PHEX: variants seen among roughly 807,000 people sequenced by gnomAD.
PHEX encodes phosphate-regulating neutral endopeptidase PHEX.
A neutral mutation model predicts 68.0 loss-of-function variants in PHEX; 16 were observed. The ratio of observed to expected loss-of-function variants is 0.24; its 90% confidence interval spans 0.16 to 0.36. The LOEUF is 0.36. Among genes scored for constraint, PHEX ranks in the 10% least tolerant of loss-of-function variants. The pLI, the probability that PHEX is intolerant of heterozygous loss-of-function variation, is 1.00. For missense variants in PHEX, 480 were observed against 575.5 expected (o/e 0.83, Z 1.70); for synonymous variants, 208 against 205.1 (o/e 1.01, Z -0.12).
rs371760826 is a variant in PHEX, at chrX:22,201,304, G to A, written c.1645+10802G>A. 8.1e-5 allele frequency among the ~76,000 whole-genome samples: 9 copies of A among 111,216 alleles called. No homozygotes were observed. In the East Asian group the frequency reaches 2.3e-3, roughly 28 times the overall value. ...CGATTCCCCTGCCTCAGCCTCCTGA[G>A]CAGCTGGGACTACAGGCGCTCACCA... On this transcript the variant is annotated intron_variant, in intron 15 of 21. Transcript: ENST00000379374.
At chrX:22,075,076 C>CAAAA (rs34459808) in intron 3 of PHEX, among the ~76,000 whole-genome samples, 5 of 89,643 alleles carry the variant, frequency 5.6e-5, no homozygotes, top group African/African-American at 1.6e-4. Context: ...TACTCTGTTT[C>CAAAA]AAAAAAAAAA....
At chrX:22,140,309 C>T (rs1250847196) in intron 12 of PHEX, among the ~76,000 whole-genome samples, 1 of 110,791 alleles carries the variant, frequency 9.0e-6, no homozygotes, top group South Asian at 3.9e-4. Context: ...TCTACTGTTG[C>T]TGTCTCTGCT....
At chrX:22,041,889 C>T (rs773570713) in intron 2 of PHEX, among the ~76,000 whole-genome samples, 2 of 111,559 alleles carry the variant, frequency 1.8e-5, no homozygotes, top group African/African-American at 3.3e-5. Flanking sequence ...TTGCCTTCTG[C>T]CAGCTAGTGT....
At chrX:22,224,663 C>CACTT (rs754104746) in intron 18 of PHEX, among the ~76,000 whole-genome samples, 3 of 111,068 alleles carry the variant, frequency 2.7e-5, no homozygotes, top group Non-Finnish European at 5.7e-5. Flanking sequence ...TGGTAATTAG[C>CACTT]ACTTACTTAC....
chrX:22,145,762 C>G (rs1307367694), intron 12 of PHEX, among the ~76,000 whole-genome samples: 1 of 111,813 alleles, frequency 8.9e-6, no homozygotes, highest in Non-Finnish European at 1.9e-5. Flanking sequence ...CAAATTCTAT[C>G]ATTCTTTTTG....
intron 16 of PHEX, among the ~76,000 whole-genome samples, chrX:22,215,797 G>GTGTT (rs1935068171): frequency 9.0e-6 from 1 of 110,978 alleles, no homozygotes; most frequent in African/African-American, 3.3e-5. Context: ...AAACTCCCCG[G>GTGTT]TGTTTTGGGA....
chrX:22,083,278 T>C (rs1929476394), intron 5 of PHEX, among the ~76,000 whole-genome samples: 1 of 112,255 alleles, frequency 8.9e-6, no homozygotes, highest in Non-Finnish European at 1.9e-5. Context: ...GGCCCTGTAC[T>C]ATATTTTGAA....
chrX:22,153,224 A>G (rs193034241), intron 12 of PHEX, among the ~76,000 whole-genome samples: 4 of 111,749 alleles, frequency 3.6e-5, no homozygotes, highest in Non-Finnish European at 5.6e-5. Flanking sequence ...CCTGGGCTCA[A>G]GCCCCCACCT....
chrX:22,146,647 T>C (rs1307705726), intron 12 of PHEX, among the ~76,000 whole-genome samples: 2 of 109,670 alleles, frequency 1.8e-5, no homozygotes, highest in Non-Finnish European at 3.8e-5. Flanking sequence ...CGAAATCCCA[T>C]CTCTACTAAA....
intron 15 of PHEX, among the ~76,000 whole-genome samples, chrX:22,208,824 CA>C (rs1476375231): frequency 8.9e-6 from 1 of 112,185 alleles, no homozygotes; most frequent in Non-Finnish European, 1.9e-5. Flanking sequence ...TGTTCTTAAA[CA>C]CCACTGTGCT....
chrX:22,201,462 G>T, intron 15 of PHEX, among the ~76,000 whole-genome samples: 1 of 109,200 alleles, frequency 9.2e-6, no homozygotes. Context: ...TGCGATTACA[G>T]GTGTGAGCCA....
At chrX:22,219,156 A>G (rs1935188093) in intron 17 of PHEX, 53 bp downstream of exon 17, 2 of 763,637 alleles carry the variant, frequency 2.6e-6, no homozygotes, top group Admixed American at 4.4e-5. Flanking sequence ...TGTTGACTAT[A>G]TGGATGTTAA....
At chrX:22,235,236 TGCATTGATTTG>T (rs1182178044) in intron 20 of PHEX, among the ~76,000 whole-genome samples, 6 of 112,199 alleles carry the variant, frequency 5.3e-5, no homozygotes, top group South Asian at 3.7e-4. Flanking sequence ...ACTTACTTTC[TGCATTGATTTG>T]GCATTGATTT....
At chrX:22,218,154 T>C (rs1386196028) in intron 16 of PHEX, among the ~76,000 whole-genome samples, 1 of 110,869 alleles carries the variant, frequency 9.0e-6, no homozygotes, top group Non-Finnish European at 1.9e-5. Context: ...TTCTCGCTTC[T>C]TCATTTGGCC....
At chrX:22,127,863 G>A (rs1931803692) in intron 11 of PHEX, among the ~76,000 whole-genome samples, 1 of 110,756 alleles carries the variant, frequency 9.0e-6, no homozygotes, top group Non-Finnish European at 1.9e-5. Context: ...AGTTACCGAA[G>A]TGTGGATTCA....
chrX:22,055,548 C>G (rs1928060655), intron 3 of PHEX, among the ~76,000 whole-genome samples: 1 of 107,357 alleles, frequency 9.3e-6, no homozygotes, highest in Admixed American at 1.0e-4. Context: ...GTAGTTCTGA[C>G]AGTCAGCCTG....
At chrX:22,243,905 C>T (rs767000400) in intron 20 of PHEX, among the ~76,000 whole-genome samples, 205 of 111,987 alleles carry the variant, frequency 1.8e-3, no homozygotes, top group Non-Finnish European at 3.5e-3. Flanking sequence ...CCAGAAATAC[C>T]ATTTGACCCA....
intron 3 of PHEX, among the ~76,000 whole-genome samples, chrX:22,068,412 A>T (rs1426138452): frequency 8.9e-6 from 1 of 112,037 alleles, no homozygotes; most frequent in Non-Finnish European, 1.9e-5. Context: ...TCCTTCAGTT[A>T]TGGTGGAGAG....
At chrX:22,051,843 A>G (rs188931845) in intron 3 of PHEX, among the ~76,000 whole-genome samples, 69 of 112,044 alleles carry the variant, frequency 6.2e-4, no homozygotes, top group African/African-American at 2.1e-3. Context: ...ATAAATACAG[A>G]TACATAGATT....
Sources: allele counts gnomAD v4.1 joint callset (sites outside exome capture counted in the v4.1 genomes callset), GRCh38; gene constraint gnomAD v4.1.1; transcripts MANE v1.5; gene names NCBI Gene and HGNC (gene_info 2026-07-23, HGNC 2026-07-21).